The following TENM2 variants were observed in gnomAD, a reference collection of about 807,000 sequenced individuals.
TENM2 encodes teneurin transmembrane protein 2.
TENM2 carries 52 observed loss-of-function variants against 245.2 expected under a neutral mutation model. That is an observed-to-expected ratio of 0.21 (90% CI 0.17 to 0.27). TENM2 has a LOEUF of 0.27. Among genes scored for constraint, TENM2 ranks in the 10% least tolerant of loss-of-function variants. The pLI, the probability that TENM2 is intolerant of heterozygous loss-of-function variation, is 1.00. For missense variants in TENM2, 3,046 were observed against 3,666.8 expected (o/e 0.83, Z 4.37); for synonymous variants, 1,363 against 1,438.9 (o/e 0.95, Z 1.19).
At chr5:168,177,973 A>G (rs1263382972) in intron 13 of TENM2, among the ~76,000 whole-genome samples, 5 of 152,222 alleles carry the variant, frequency 3.3e-5, no homozygotes, top group Admixed American at 1.3e-4. Flanking sequence ...CTCTAATTCC[A>G]CAGGAAGCTC....
chr5:167,487,507 T>C (rs1309701200), intron 2 of TENM2, among the ~76,000 whole-genome samples: 1 of 152,206 alleles, frequency 6.6e-6, no homozygotes, highest in Non-Finnish European at 1.5e-5. Context: ...TTTATGCACA[T>C]GCTACGTGTG....
intron 2 of TENM2, among the ~76,000 whole-genome samples, chr5:167,594,208 T>TA (rs1284475916): frequency 1.3e-5 from 2 of 152,190 alleles, no homozygotes; most frequent in African/African-American, 4.8e-5. Flanking sequence ...ATTAAGATCA[T>TA]ATGATACAAT....
chr5:167,170,455 G>C, the TENM2 span, among the ~76,000 whole-genome samples: 1 of 152,168 alleles, frequency 6.6e-6, no homozygotes, highest in Non-Finnish European at 1.5e-5. Context: ...CTCTGGGATA[G>C]TGATATGCCT....
At position 167,285,083 on chromosome 5, in the gene TENM2, C is replaced by T; in HGVS notation, c.226+20C>T. 6.6e-7 allele frequency: 1 copy of T among 1,516,744 alleles called. No individual in the cohort carries two copies. Among genetic ancestry groups the T allele is most frequent in the Non-Finnish European group, 9.0e-7 (1 of 1,114,984 alleles). The allele number at this position is 1,516,744 out of a possible 1,614,324, so 94.0% of individuals were successfully genotyped here. ...GACAAGGTTTGTAGGGTTTCCCCTG[C>T]TGATTTGCTCTCAACTGTCTAACTT... On this transcript the variant is annotated intron_variant, in intron 1 of 28. Transcript: ENST00000518659.
chr5:168,120,754 C>T lies in TENM2; in HGVS notation c.2008+2268C>T, dbSNP rs554853853. The stretch of plus-strand genomic sequence containing the variant: ...AATGGAATCAGAAAGTCTGGATCAG[C>T]ACTTTTTCTTCCATTTAGCTTTTTT... On this transcript the variant is annotated intron_variant, in intron 10 of 28. Coordinates refer to ENST00000518659, the Ensembl canonical transcript of TENM2. 2.0e-5 allele frequency among the ~76,000 whole-genome samples: 3 copies of T among 152,334 alleles called. No homozygotes were observed. In the South Asian group the frequency reaches 6.2e-4, roughly 32 times the overall value.
At chr5:168,075,508 C>A (rs552346092) in intron 7 of TENM2, among the ~76,000 whole-genome samples, 1 of 152,160 alleles carries the variant, frequency 6.6e-6, no homozygotes, top group Non-Finnish European at 1.5e-5. Context: ...CACCACCCAA[C>A]AGATCCCCTG....
the TENM2 span, among the ~76,000 whole-genome samples, chr5:167,137,076 G>A: frequency 5.3e-5 from 8 of 152,072 alleles, no homozygotes; most frequent in Non-Finnish European, 1.0e-4. Context: ...AGAGACTGAG[G>A]GTGATATCTC....
At chr5:167,727,376 T>C (rs544134011) in intron 2 of TENM2, among the ~76,000 whole-genome samples, 15 of 152,136 alleles carry the variant, frequency 9.9e-5, no homozygotes, top group Non-Finnish European at 1.9e-4. Context: ...CCTCCCAGGG[T>C]GCTGGGATTA....
chr5:167,078,267 T>G, the TENM2 span, among the ~76,000 whole-genome samples: 1 of 152,022 alleles, frequency 6.6e-6, no homozygotes, highest in East Asian at 1.9e-4. Context: ...GTGGATCTCC[T>G]GAGGTTGGGA....
chr5:167,776,593 GAAAAAAAAA>G (rs869252752), intron 2 of TENM2, among the ~76,000 whole-genome samples: 13 of 36,016 alleles, frequency 3.6e-4, no homozygotes, highest in African/African-American at 5.2e-4. Context: ...GACCCTGTCT[GAAAAAAAAA>G]AAAAAAAAAA....
chr5:167,603,031 T>C (rs1230458364), intron 2 of TENM2, among the ~76,000 whole-genome samples: 1 of 152,174 alleles, frequency 6.6e-6, no homozygotes, highest in African/African-American at 2.4e-5. Flanking sequence ...ATGGGTATGA[T>C]TCTGACACTC....
intron 2 of TENM2, among the ~76,000 whole-genome samples, chr5:167,503,209 A>T (rs1769324626): frequency 6.6e-6 from 1 of 152,218 alleles, no homozygotes; most frequent in Non-Finnish European, 1.5e-5. Context: ...AGTTAAAAAT[A>T]ATTCACTATC....
intron 2 of TENM2, among the ~76,000 whole-genome samples, chr5:167,685,931 T>G (rs370698065): frequency 5.3e-5 from 8 of 152,274 alleles, no homozygotes; most frequent in African/African-American, 1.7e-4. Flanking sequence ...TGGAGCAAAA[T>G]ACCCTGAGTT....
intron 2 of TENM2, among the ~76,000 whole-genome samples, chr5:167,450,384 ATTTG>A (rs922286193): frequency 5.9e-5 from 9 of 152,090 alleles, no homozygotes; most frequent in South Asian, 2.1e-4. Context: ...TCCAGAACAT[ATTTG>A]TTTGTCTGTT....
intron 2 of TENM2, among the ~76,000 whole-genome samples, chr5:167,818,592 A>C (rs554781852): frequency 6.6e-6 from 1 of 152,290 alleles, no homozygotes; most frequent in Admixed American, 6.5e-5. Context: ...CGGGGTCAGC[A>C]TATGACTGGC....
the TENM2 span, among the ~76,000 whole-genome samples, chr5:167,104,843 G>T: frequency 6.6e-6 from 1 of 152,198 alleles, no homozygotes; most frequent in Admixed American, 6.5e-5. Flanking sequence ...TGAAAAATAT[G>T]TGGTTTTCAT....
At chr5:167,780,014 G>A (rs1764082248) in intron 2 of TENM2, among the ~76,000 whole-genome samples, 1 of 152,182 alleles carries the variant, frequency 6.6e-6, no homozygotes. Context: ...TCCCAAATTT[G>A]TAGAGAGAAG....
intron 2 of TENM2, among the ~76,000 whole-genome samples, chr5:167,567,559 G>A (rs899393733): frequency 4.6e-5 from 7 of 152,238 alleles, no homozygotes; most frequent in Admixed American, 3.9e-4. Flanking sequence ...TCCAACTAAT[G>A]TATAAACGAT....
intron 2 of TENM2, among the ~76,000 whole-genome samples, chr5:167,390,413 G>C (rs1761681974): frequency 6.6e-6 from 1 of 152,082 alleles, no homozygotes; most frequent in East Asian, 1.9e-4. Context: ...AGTCTGCAAG[G>C]CACCTTGAGG....
Sources: allele counts gnomAD v4.1 joint callset (sites outside exome capture counted in the v4.1 genomes callset), GRCh38; gene constraint gnomAD v4.1.1; transcripts MANE v1.5; gene names NCBI Gene and HGNC (gene_info 2026-07-23, HGNC 2026-07-21).